The following CLDN12 variants were observed in gnomAD, a reference collection of about 807,000 sequenced individuals.
The protein encoded by CLDN12 is claudin 12.
Under a neutral mutation model 15.5 loss-of-function variants are expected in CLDN12, and 9 were observed. The ratio of observed to expected loss-of-function variants is 0.58; its 90% confidence interval spans 0.35 to 1.02. The LOEUF (loss-of-function observed/expected upper bound fraction) is 1.02. CLDN12 is among the 50% of genes least tolerant of loss of function. CLDN12 has a pLI of 0.02. For synonymous variants in CLDN12, 140 were observed against 121.6 expected, an observed-to-expected ratio of 1.15 and a Z score of -1.00; for missense variants, 233 against 297.3, an observed-to-expected ratio of 0.78 and a Z score of 1.59.
intron 2 of CLDN12, chr7:90,409,211 C>T (rs1043836366): frequency 6.6e-6 from 1 of 151,686 alleles, no homozygotes; most frequent in Non-Finnish European, 1.5e-5. Flanking sequence ...GTTTTTTGTT[C>T]CTGTTTGTTT....
intron 2 of CLDN12, among the ~76,000 whole-genome samples, chr7:90,407,720 G>T (rs1210461664): frequency 1.3e-5 from 2 of 152,190 alleles, no homozygotes; most frequent in Non-Finnish European, 2.9e-5. Context: ...ACCAGGGACA[G>T]GGGGAGGTTT....
At position 90,415,570 on chromosome 7, in the gene CLDN12, T is replaced by G. The variant is rs1797056014; in HGVS notation, c.*2159T>G. ...ATGGATTCACTAGACAAACAGCTGTTTCCTTATTGTCTTTTTTCTTTAGTG... is the reference window on the plus strand; with the variant it reads ...ATGGATTCACTAGACAAACAGCTGTGTCCTTATTGTCTTTTTTCTTTAGTG... On this transcript the variant is annotated 3_prime_UTR_variant, in exon 4 of 4. Transcript: ENST00000496677. The G allele has an allele frequency of 6.0e-6, 1 of 166,894 alleles. No homozygotes were observed. The highest frequency in any genetic ancestry group is 2.4e-5 in the African/African-American group (1 of 41,474). The allele number at this position is 166,894 out of a possible 1,614,324, so 10.3% of individuals were successfully genotyped here. A position where few individuals can be genotyped will look rare whatever the true frequency, so the allele number is the denominator to read the frequency against.
chr7:90,405,274 G>T (rs1020295250), intron 1 of CLDN12, among the ~76,000 whole-genome samples: 1 of 152,052 alleles, frequency 6.6e-6, no homozygotes, highest in Non-Finnish European at 1.5e-5. Context: ...TGTTGGCCAG[G>T]CTGGTCTTGA....
At position 90,411,224 on chromosome 7, in the gene CLDN12, A is replaced by G. The variant is rs556412430; in HGVS notation, c.-76-783A>G. Among the ~76,000 whole-genome samples, 21 of 152,312 alleles carry G rather than the reference A, an allele frequency of 1.4e-4. 1 individual carries two copies. In the South Asian group the frequency reaches 4.3e-3, roughly 32 times the overall value. On this transcript the variant is annotated intron_variant, in intron 2 of 3. Coordinates refer to ENST00000496677, the MANE Select transcript of CLDN12 (RefSeq NM_001185072.3). ...CAGATGTTTGATTCTGCAAAGGTTGATGGAACTGTATTCAGAAATAAAAAT... is the reference window on the plus strand; with the variant it reads ...CAGATGTTTGATTCTGCAAAGGTTGGTGGAACTGTATTCAGAAATAAAAAT...
intron 1 of CLDN12, among the ~76,000 whole-genome samples, chr7:90,404,064 A>G (rs1300603511): frequency 1.3e-5 from 2 of 150,964 alleles, no homozygotes; most frequent in African/African-American, 2.4e-5. Context: ...GGGGATGCGG[A>G]TTGCTCTGGA....
Position 90,412,886 on chromosome 7 carries a change from C to G in CLDN12, c.210C>G (p.Tyr70Ter), listed in dbSNP as rs185427290. ...ACGGGAGCAGTGACTGCCTGATGTACGACACTACTTGGTACTCATCAGTTG... is the reference window on the plus strand; with the variant it reads ...ACGGGAGCAGTGACTGCCTGATGTAGGACACTACTTGGTACTCATCAGTTG... ...RYDGSSDCLM[Y>*]DTTWYSSVDQ... Residue 70 changes from tyrosine (Y) to a stop codon, truncating the protein, a stop_gained, in exon 4 of 4, where the codon TAC becomes TAG. Coordinates refer to ENST00000496677, the MANE Select transcript of CLDN12 (RefSeq NM_001185072.3). LOFTEE classifies it high-confidence loss of function. 1 of 1,614,054 alleles carries G rather than the reference C, an allele frequency of 6.2e-7. No individual in the cohort carries two copies. Among genetic ancestry groups the G allele is most frequent in the Non-Finnish European group, 8.5e-7 (1 of 1,180,026 alleles).
At position 90,413,657 on chromosome 7, in the gene CLDN12, A is replaced by G; in HGVS notation, c.*246A>G. Reference sequence around the variant, plus strand: ...TAGCCTTCATATTGATATCTAATTAATTATTTAAGTGGAAGAGGCCTGCAT... The same window carrying G: ...TAGCCTTCATATTGATATCTAATTAGTTATTTAAGTGGAAGAGGCCTGCAT... On this transcript the variant is annotated 3_prime_UTR_variant, in exon 4 of 4. Transcript: ENST00000496677. 2.4e-6 allele frequency: 3 copies of G among 1,259,298 alleles called. No homozygotes were observed. Among genetic ancestry groups the G allele is most frequent in the Non-Finnish European group, 3.0e-6 (3 of 994,980 alleles). The allele number at this position is 1,259,298 out of a possible 1,614,324, so 78.0% of individuals were successfully genotyped here. A position where few individuals can be genotyped will look rare whatever the true frequency, so the allele number is the denominator to read the frequency against.
At chr7:90,404,221 T>G (rs1796790295) in intron 1 of CLDN12, among the ~76,000 whole-genome samples, 1 of 149,602 alleles carries the variant, frequency 6.7e-6, no homozygotes, top group Non-Finnish European at 1.5e-5. Context: ...AACGATTTCC[T>G]CTGACTTTGG....
chr7:90,409,368 C>T (rs966511390), intron 2 of CLDN12, among the ~76,000 whole-genome samples: 15 of 151,954 alleles, frequency 9.9e-5, no homozygotes, highest in Non-Finnish European at 1.2e-4. Context: ...ATTACAGGCA[C>T]GTGCCACCAT....
At position 90,413,249 on chromosome 7, in the gene CLDN12, A is replaced by T; in HGVS notation, c.573A>T (p.Ile191=). 3.1e-6 allele frequency: 5 copies of T among 1,613,970 alleles called. No homozygotes were observed. Among genetic ancestry groups the T allele is most frequent in the Non-Finnish European group, 3.4e-6 (4 of 1,179,972 alleles). ...GGGGCCTGTTTATGACTTCCCTTATACTATTTATTTGGTATTGTACATGCA... is the reference window on the plus strand; with the variant it reads ...GGGGCCTGTTTATGACTTCCCTTATTCTATTTATTTGGTATTGTACATGCA... ...SAGGLFMTSL[I]LFIWYCTCKS... is the part of the protein sequence containing the mutation. The change falls in exon 4 of 4, where the codon ATA becomes ATT. Residue 191 remains isoleucine, a synonymous_variant. Transcript: ENST00000496677.
chr7:90,412,347 A>G (rs978610003), intron 3 of CLDN12: 10 of 278,854 alleles, frequency 3.6e-5, no homozygotes, highest in Non-Finnish European at 6.7e-5. Context: ...TGATTGTAAG[A>G]GACTTTAACA....
In CLDN12 at chr7:90,413,577, A is replaced by C; in HGVS notation, c.*166A>C. On this transcript the variant is annotated 3_prime_UTR_variant, in exon 4 of 4. Transcript: ENST00000496677. Reference sequence around the variant, plus strand: ...AGTGCTGCTAGTTTTTATGAGAAGTATATTATATTAAATGTGAATTTTTTA... The same window carrying C: ...AGTGCTGCTAGTTTTTATGAGAAGTCTATTATATTAAATGTGAATTTTTTA... The C allele has an allele frequency of 7.2e-7, 1 of 1,395,396 alleles. No individual in the cohort carries two copies. The highest frequency in any genetic ancestry group is 1.9e-5 in the South Asian group (1 of 52,806). 86.4% of individuals were successfully genotyped at this position (1,395,396 alleles called of 1,614,324 possible). A position where few individuals can be genotyped will look rare whatever the true frequency, so the allele number is the denominator to read the frequency against.
intron 2 of CLDN12, chr7:90,409,023 A>G (rs1796901827): frequency 6.6e-6 from 1 of 151,912 alleles, no homozygotes; most frequent in African/African-American, 2.4e-5. Flanking sequence ...CAGCCTCCCC[A>G]AGTGCTGGAA....
chr7:90,413,406 A>G lies in CLDN12; in HGVS notation c.730A>G (p.Thr244Ala). The part of the protein sequence containing the change: ...EIDIPVVSHT[T>A] Reference sequence around the variant, plus strand: ...TGACATTCCAGTAGTTTCACACACCACTTAATGGGGAAATAGTTAATTGTT... The same window carrying G: ...TGACATTCCAGTAGTTTCACACACCGCTTAATGGGGAAATAGTTAATTGTT... The change falls in exon 4 of 4, where the codon ACT (threonine) becomes GCT (alanine). Residue 244 changes from threonine (T) to alanine (A), a missense_variant. Transcript: ENST00000496677. 6 of 1,611,534 alleles carry G rather than the reference A, an allele frequency of 3.7e-6. No homozygotes were observed. Among genetic ancestry groups the G allele is most frequent in the Non-Finnish European group, 5.1e-6 (6 of 1,178,242 alleles).
chr7:90,405,206 G>T (rs1455593663), intron 1 of CLDN12, among the ~76,000 whole-genome samples: 1 of 152,138 alleles, frequency 6.6e-6, no homozygotes, highest in Non-Finnish European at 1.5e-5. Context: ...GGGACTATAG[G>T]CATGAGCCAC....
chr7:90,415,524 A>G lies in CLDN12; in HGVS notation c.*2113A>G, dbSNP rs191175070. 6.0e-6 allele frequency: 1 copy of G among 166,678 alleles called. No individual in the cohort carries two copies. Among genetic ancestry groups the G allele is most frequent in the African/African-American group, 2.4e-5 (1 of 41,594 alleles). The allele number at this position is 166,678 out of a possible 1,614,324, so 10.3% of individuals were successfully genotyped here. The stretch of plus-strand genomic sequence containing the variant: ...AGAATATTTTGGCTTTGTAATCTAT[A>G]GCCTCAAATTGGTATTTATTATGGA... On this transcript the variant is annotated 3_prime_UTR_variant, in exon 4 of 4. Transcript: ENST00000496677.
chr7:90,410,866 G>A (rs10264930), intron 2 of CLDN12, among the ~76,000 whole-genome samples: 2,069 of 152,030 alleles, frequency 0.014, 58 homozygotes, highest in African/African-American at 0.046. Flanking sequence ...ACATAGTGAC[G>A]TGTGCTTATG....
At chr7:90,404,395 G>T (rs779985428) in intron 1 of CLDN12, among the ~76,000 whole-genome samples, 11 of 152,024 alleles carry the variant, frequency 7.2e-5, no homozygotes, top group Non-Finnish European at 1.5e-4. Context: ...AAACTCTCAG[G>T]CGCACATAAT....
At position 90,412,691 on chromosome 7, in the gene CLDN12, T is replaced by C; in HGVS notation, c.15T>C (p.Asp5=). The change falls in exon 4 of 4, where the codon GAT becomes GAC. Residue 5 remains aspartate (D), a synonymous_variant. Transcript: ENST00000496677. The stretch of plus-strand genomic sequence containing the variant: ...GCTTGCCTGCCATGGGCTGTCGGGA[T>C]GTCCACGCAGCCACAGTCCTTTCCT... MGCR[D]VHAATVLSFL... 1 of 1,613,156 alleles carries C rather than the reference T, an allele frequency of 6.2e-7. No homozygotes were observed. The highest frequency in any genetic ancestry group is 8.5e-7 in the Non-Finnish European group (1 of 1,179,520).
Sources: gnomAD v4.1 joint callset for allele counts (sites outside exome capture counted in the v4.1 genomes callset) on GRCh38, gnomAD v4.1.1 for gene constraint, MANE v1.5 for transcripts, NCBI Gene and HGNC (gene_info 2026-07-23, HGNC 2026-07-21) for gene names.